The following INTS6 variants were observed in gnomAD, a reference collection of about 807,000 sequenced individuals.
INTS6 encodes DEAD box protein.
Under a neutral mutation model 104.9 loss-of-function variants are expected in INTS6, and 16 were observed. The observed-to-expected ratio is 0.15, with a 90% confidence interval of 0.10 to 0.23. The LOEUF (loss-of-function observed/expected upper bound fraction) is 0.23. Ranked by LOEUF, INTS6 falls within the 10% of genes least tolerant of loss-of-function variation. The pLI is 1.00. For synonymous variants in INTS6, 324 were observed against 358.7 expected (o/e 0.90, Z 1.09); for missense variants, 584 against 1,062.8 (o/e 0.55, Z 6.26).
Position 51,415,174 on chromosome 13 carries a change from TA to T in INTS6, c.429+15119del, listed in dbSNP as rs199947020. On this transcript the variant is annotated intron_variant, in intron 4 of 17. Transcript: ENST00000311234. The stretch of plus-strand genomic sequence containing the variant: ...ACTAAATGGCACAGAACCGTTCACT[TA>T]AAAAAAAAATTCTTTAAAAATCTCT... 3.3e-4 allele frequency among the ~76,000 whole-genome samples: 49 copies of T among 149,708 alleles called. No homozygotes were observed. In the South Asian group the frequency reaches 6.5e-3, roughly 20 times the overall value.
intron 3 of INTS6, chr13:51,440,307 A>T (rs1347033911): frequency 1.3e-5 from 2 of 152,118 alleles, no homozygotes; most frequent in Non-Finnish European, 2.9e-5. Flanking sequence ...AAAAGCTTAC[A>T]GAATAAGGAT....
chr13:51,349,967 C>T (rs1218079689), downstream of INTS6, among the ~76,000 whole-genome samples: 2 of 151,692 alleles, frequency 1.3e-5, no homozygotes, highest in Non-Finnish European at 2.9e-5. Context: ...GGGAACAAAA[C>T]AAAAAAAGTA....
intron 4 of INTS6, among the ~76,000 whole-genome samples, chr13:51,428,469 T>C (rs1957024261): frequency 6.6e-6 from 1 of 151,698 alleles, no homozygotes; most frequent in Non-Finnish European, 1.5e-5. Flanking sequence ...GGATTACAGG[T>C]GTGCGCCACC....
Position 51,368,925 on chromosome 13 carries a change from CTTA to C in INTS6, c.2476+11_2476+13del, listed in dbSNP as rs1201327951. On this transcript the variant is annotated intron_variant, in intron 16 of 17. Coordinates refer to ENST00000311234, the MANE Select transcript of INTS6 (RefSeq NM_012141.3). The stretch of plus-strand genomic sequence containing the variant: ...CAGAAATCAGATCTGAGGTTCGTCT[CTTA>C]TTATACATACTTCTTCCTGGCTTTC... 7 of 1,558,300 alleles carry C rather than the reference CTTA, an allele frequency of 4.5e-6. No individual in the cohort carries two copies. The East Asian group carries it at 6.8e-5, about 15-fold the overall frequency.
chr13:51,389,501 G>T, intron 5 of INTS6, 57 bp from the exon 6 acceptor site: 1 of 1,454,016 alleles, frequency 6.9e-7, no homozygotes, highest in Non-Finnish European at 9.1e-7. Flanking sequence ...CTAGTTAGTT[G>T]CAAGAATTCC....
In INTS6 at chr13:51,452,229, G is replaced by A. The variant is rs868072105; in HGVS notation, c.112-174C>T. 1.1e-3 allele frequency: 763 copies of A among 664,016 alleles called. 2 individuals are homozygous for A. In the Middle Eastern group the frequency reaches 0.013, roughly 11 times the overall value. 41.1% of individuals were successfully genotyped at this position (664,016 alleles called of 1,614,324 possible). ...CGCTCCCCACACACCGCCCGGGGCC[G>A]GAGCCCGGGCCCCGGCCGAACCCGG... is the stretch of plus-strand genomic sequence containing the variant. On this transcript the variant is annotated intron_variant, in intron 1 of 17. Coordinates refer to ENST00000311234, the MANE Select transcript of INTS6 (RefSeq NM_012141.3). The surrounding 1 kb of genome is among the most constrained non-coding windows in gnomAD (Gnocchi z 4.2).
intron 4 of INTS6, among the ~76,000 whole-genome samples, chr13:51,419,554 G>A (rs1407522027): frequency 6.6e-6 from 1 of 152,080 alleles, no homozygotes; most frequent in Non-Finnish European, 1.5e-5. Context: ...TCCAACTCAA[G>A]ACATTTCCTA....
At chr13:51,343,693 GA>G in the INTS6 span, among the ~76,000 whole-genome samples, 44 of 152,316 alleles carry the variant, frequency 2.9e-4, no homozygotes, top group African/African-American at 1.0e-3. Flanking sequence ...TTCTCAAATT[GA>G]AAGCATAGTT....
chr13:51,428,232 A>G (rs1957019433), intron 4 of INTS6, among the ~76,000 whole-genome samples: 1 of 152,188 alleles, frequency 6.6e-6, no homozygotes, highest in South Asian at 2.1e-4. Context: ...TAATTTATTA[A>G]TATATAAAGT....
chr13:51,407,553 G>C (rs1956593003), intron 4 of INTS6, among the ~76,000 whole-genome samples: 3 of 152,098 alleles, frequency 2.0e-5, no homozygotes, highest in Non-Finnish European at 4.4e-5. Flanking sequence ...CAAAAATCCA[G>C]GGACTGATAC....
intron 3 of INTS6, chr13:51,448,371 T>C (rs902221515): frequency 1.3e-5 from 2 of 152,212 alleles, no homozygotes; most frequent in Admixed American, 6.5e-5. Flanking sequence ...CAGTAAATGG[T>C]ACTGATTATC....
At chr13:51,375,412 C>T (rs964428441) in intron 13 of INTS6, among the ~76,000 whole-genome samples, 3 of 149,058 alleles carry the variant, frequency 2.0e-5, no homozygotes, top group South Asian at 2.1e-4. Context: ...TTCTCTTCTG[C>T]GCTATTCCAA....
rs368336972 is a variant in INTS6 at position 51,389,458 on chromosome 13, AAAGAAG to A, written c.614-20_614-15del. The A allele has an allele frequency of 1.4e-4, 220 of 1,576,882 alleles. No homozygotes were observed. The highest frequency in any genetic ancestry group is 5.1e-4 in the Middle Eastern group (3 of 5,884). ...AATATGAACGGCCTGAGATTAAAAA[AAAGAAG>A]AAGAAGAAGAAGAAGAATATAGTAA... On this transcript the variant is annotated splice_polypyrimidine_tract_variant and intron_variant, in intron 5 of 17. Transcript: ENST00000311234.
intron 4 of INTS6, among the ~76,000 whole-genome samples, chr13:51,399,219 T>C (rs577858997): frequency 5.0e-5 from 6 of 118,906 alleles, no homozygotes; most frequent in Non-Finnish European, 8.4e-5. Flanking sequence ...TTAGTTTTAT[T>C]TTTTAGAGAC....
At chr13:51,347,135 A>T in the INTS6 span, 4 of 1,613,826 alleles carry the variant, frequency 2.5e-6, no homozygotes, top group Non-Finnish European at 3.4e-6. Flanking sequence ...TTGGCGAAAG[A>T]GATTCTCCTC....
chr13:51,420,489 T>G (rs1261762803), intron 4 of INTS6, among the ~76,000 whole-genome samples: 1 of 152,052 alleles, frequency 6.6e-6, no homozygotes, highest in Non-Finnish European at 1.5e-5. Context: ...TCCAAAATAC[T>G]CAAAACATCT....
chr13:51,440,830 A>G (rs892395083), intron 3 of INTS6: 10 of 152,222 alleles, frequency 6.6e-5, no homozygotes, highest in Admixed American at 5.9e-4. Flanking sequence ...TTCCCACAAC[A>G]GATCTGCCTA....
chr13:51,452,661 T>A lies in INTS6; in HGVS notation c.-136A>T. 6.9e-7 allele frequency: 1 copy of A among 1,441,546 alleles called. No individual in the cohort carries two copies. Among genetic ancestry groups the A allele is most frequent in the Non-Finnish European group, 9.1e-7 (1 of 1,096,930 alleles). 89.3% of individuals were successfully genotyped at this position (1,441,546 alleles called of 1,614,324 possible). On this transcript the variant is annotated 5_prime_UTR_variant, in exon 1 of 18. It adds an upstream start codon to the 5' untranslated region. Transcript: ENST00000311234. The surrounding 1 kb of genome is among the most constrained non-coding windows in gnomAD (Gnocchi z 4.2). The stretch of plus-strand genomic sequence containing the variant: ...CCGGGAGGAAAACACTGTCTGGGTC[T>A]TTCCTCCGGCTGCGGGGAGTTTCTC...
At chr13:51,350,287 T>TA (rs1210344481), downstream of INTS6, among the ~76,000 whole-genome samples, 1 of 151,948 alleles carries the variant, frequency 6.6e-6, no homozygotes, top group South Asian at 2.1e-4. Context: ...TATAAATAAA[T>TA]AAAAAAAGTG....
Sources: allele counts gnomAD v4.1 joint callset (sites outside exome capture counted in the v4.1 genomes callset), GRCh38; gene constraint gnomAD v4.1.1; non-coding constraint Gnocchi (gnomAD v3.1); transcripts MANE v1.5; gene names NCBI Gene and HGNC (gene_info 2026-07-23, HGNC 2026-07-21).